MED22: variants seen among roughly 807,000 people sequenced by gnomAD.
MED22 encodes mediator complex subunit 22, also known as mediator of RNA polymerase II transcription subunit 22.
MED22 carries 22 observed loss-of-function variants against 22.7 expected under a neutral mutation model. That is an observed-to-expected ratio of 0.97 (90% CI 0.69 to 1.38). The LOEUF (loss-of-function observed/expected upper bound fraction) is 1.38, where lower values mean the gene tolerates loss of function less well. Ranked by LOEUF, MED22 falls within the 40% of genes most tolerant of loss-of-function variation. The pLI is 0.00. For missense variants in MED22, 247 were observed against 263.0 expected, an observed-to-expected ratio of 0.94 and a Z score of 0.42; for synonymous variants, 134 against 119.4, an observed-to-expected ratio of 1.12 and a Z score of -0.80.
chr9:133,342,462 C>A, intron 4 of MED22: 6 of 986,152 alleles, frequency 6.1e-6, no homozygotes, highest in Non-Finnish European at 7.2e-6. Flanking sequence ...AGTGGCATCC[C>A]GAGGAACGCA....
intron 4 of MED22, chr9:133,343,907 A>G (rs1261326767): frequency 7.0e-7 from 1 of 1,427,584 alleles, no homozygotes; most frequent in Admixed American, 2.8e-5. Context: ...TGTGGTTTTC[A>G]TCACATTGCA....
intron 2 of MED22, among the ~76,000 whole-genome samples, 173 bp from the exon 3 acceptor site, chr9:133,345,425 G>A (rs1325308073): frequency 6.6e-6 from 1 of 152,098 alleles, no homozygotes; most frequent in African/African-American, 2.4e-5. Context: ...CTCTGACAAG[G>A]TTCAATTCCA....
At position 133,340,892 on chromosome 9, in the gene MED22, G is replaced by C. The variant is rs1835983659; in HGVS notation, c.*613C>G. 4 of 152,352 alleles carry C rather than the reference G, an allele frequency of 2.6e-5. No homozygotes were observed. Among genetic ancestry groups the C allele is most frequent in the Admixed American group, 2.0e-4 (3 of 15,292 alleles). 9.4% of individuals were successfully genotyped at this position (152,352 alleles called of 1,614,324 possible). ...TCCTGGACTGACAAGGAATGAGGAA[G>C]AAAGAGCAGCAATGCAAAAAAGTGG... On this transcript the variant is annotated 3_prime_UTR_variant, in exon 5 of 5. Transcript: ENST00000343730.
intron 3 of MED22, 33 bp downstream of exon 3, chr9:133,345,139 G>C: frequency 1.2e-6 from 2 of 1,608,160 alleles, no homozygotes; most frequent in Non-Finnish European, 1.7e-6. Context: ...TGCTCTTGGA[G>C]CCCAGGCCGT....
chr9:133,341,566 AG>A lies in MED22; in HGVS notation c.541del (p.Leu181TyrfsTer34). On this transcript the variant is annotated frameshift_variant, in exon 5 of 5. Transcript: ENST00000343730. LOFTEE classifies it high-confidence loss of function. The part of the protein sequence containing the change: ...LASPEPSAGP[L>X]QVAAPAHSHA... ...GGAGTGGGCAGGGGCTGCCACCTGT[AG>A]GGGGCCAGCACTGGGCTCCGGGGAC... The A allele has an allele frequency of 1.9e-6, 3 of 1,561,836 alleles. No individual in the cohort carries two copies. Among genetic ancestry groups the A allele is most frequent in the Admixed American group, 2.1e-5 (1 of 47,874 alleles).
chr9:133,342,270 G>A, intron 4 of MED22: 1 of 986,266 alleles, frequency 1.0e-6, no homozygotes, highest in Non-Finnish European at 1.2e-6. Flanking sequence ...AATCCTCACG[G>A]CAGCCAGGAT....
At position 133,339,358 on chromosome 9, in the gene MED22, G is replaced by A. The variant is rs2119053283; in HGVS notation, c.*2147C>T. 1.4e-6 allele frequency: 1 copy of A among 735,240 alleles called. No homozygotes were observed. The highest frequency in any genetic ancestry group is 2.5e-6 in the Non-Finnish European group (1 of 393,040). 45.5% of individuals were successfully genotyped at this position (735,240 alleles called of 1,614,324 possible). A position where few individuals can be genotyped will look rare whatever the true frequency, so the allele number is the denominator to read the frequency against. ...AGGGAAGCCAAAGAGAAAGGTACCT[G>A]GATTCAACTGAAGCGCCAGCCTGCT... is the stretch of plus-strand genomic sequence containing the variant. On this transcript the variant is annotated 3_prime_UTR_variant, in exon 5 of 5. Coordinates refer to ENST00000343730, the MANE Select transcript of MED22 (RefSeq NM_133640.5).
rs989613148 is a variant in MED22, at chr9:133,338,741, C to G, written c.*2764G>C. 6.4e-6 allele frequency: 2 copies of G among 314,740 alleles called. No homozygotes were observed. Among genetic ancestry groups the G allele is most frequent in the Non-Finnish European group, 6.2e-6 (1 of 160,108 alleles). 19.5% of individuals were successfully genotyped at this position (314,740 alleles called of 1,614,324 possible). ...GCAGGCGTAAGCCACCGCGCCCGGC[C>G]GATTTCTATACTTTTTAGTAGAGAC... On this transcript the variant is annotated 3_prime_UTR_variant, in exon 5 of 5. Coordinates refer to ENST00000343730, the MANE Select transcript of MED22 (RefSeq NM_133640.5).
At chr9:133,344,486 G>C (rs1836123841) in intron 3 of MED22, among the ~76,000 whole-genome samples, 153 bp from the exon 4 acceptor site, 1 of 152,228 alleles carries the variant, frequency 6.6e-6, no homozygotes, top group South Asian at 2.1e-4. Flanking sequence ...ACAGGTTCAT[G>C]TGTGAGAATT....
chr9:133,343,936 G>T, intron 4 of MED22, 189 bp downstream of exon 4: 1 of 1,444,404 alleles, frequency 6.9e-7, no homozygotes, highest in Non-Finnish European at 9.1e-7. Flanking sequence ...AAGGCCCAGG[G>T]CCCTGGCATA....
At chr9:133,343,535 C>T (rs1379226107) in intron 4 of MED22, 2 of 1,238,186 alleles carry the variant, frequency 1.6e-6, no homozygotes, top group Non-Finnish European at 2.0e-6. Context: ...TAGGTTGGCT[C>T]CAGCTCCGTG....
intron 4 of MED22, 86 bp downstream of exon 4, chr9:133,344,039 G>A: frequency 1.3e-6 from 2 of 1,585,216 alleles, no homozygotes. Flanking sequence ...GCAAGAATTT[G>A]AAAAAGCAGA....
Position 133,348,082 on chromosome 9 carries a change from C to G in MED22, c.-199G>C, listed in dbSNP as rs942293048. The G allele has an allele frequency of 1.9e-6, 2 of 1,026,258 alleles. No homozygotes were observed. Among genetic ancestry groups the G allele is most frequent in the South Asian group, 1.4e-5 (1 of 71,054 alleles). 63.6% of individuals were successfully genotyped at this position (1,026,258 alleles called of 1,614,324 possible). ...CCGCGCCGCGGTCCGAAAACCTAGTCAGCCGCCGCAGCCTCTCGGCCCCGC... is the reference window on the plus strand; with the variant it reads ...CCGCGCCGCGGTCCGAAAACCTAGTGAGCCGCCGCAGCCTCTCGGCCCCGC... On this transcript the variant is annotated 5_prime_UTR_variant, in exon 1 of 5. Transcript: ENST00000343730.
At position 133,348,122 on chromosome 9, in the gene MED22, T is replaced by G; in HGVS notation, c.-239A>C. On this transcript the variant is annotated 5_prime_UTR_variant, in exon 1 of 5. Transcript: ENST00000343730. ...CTCGGCCCCGCCTCGATTTTTAGCTTTATAGGAATGCTGTTGCTTTAAATC... is the reference window on the plus strand; with the variant it reads ...CTCGGCCCCGCCTCGATTTTTAGCTGTATAGGAATGCTGTTGCTTTAAATC... 1.4e-6 allele frequency: 2 copies of G among 1,401,200 alleles called. No individual in the cohort carries two copies. The highest frequency in any genetic ancestry group is 2.0e-6 in the Non-Finnish European group (2 of 989,234). The allele number at this position is 1,401,200 out of a possible 1,614,324, so 86.8% of individuals were successfully genotyped here.
intron 4 of MED22, 39 bp from the exon 5 acceptor site, chr9:133,341,733 A>G (rs2129950658): frequency 1.9e-6 from 3 of 1,587,406 alleles, no homozygotes; most frequent in Non-Finnish European, 2.6e-6. Context: ...AGACAGGAGC[A>G]GGCAGAGAGG....
In MED22 at chr9:133,344,262, G is replaced by A. The variant is rs2129961031; in HGVS notation, c.276C>T (p.Pro92=). ...GCTGGTCAATGGCCTCGTTCACGGA[G>A]GGGAAGTCATTGAGGATCAGGAACT... The part of the protein sequence containing the change: ...LKQFLILNDF[P]SVNEAIDQRN... Residue 92 remains proline, a synonymous_variant, in exon 4 of 5, where the codon CCC becomes CCT. Coordinates refer to ENST00000343730, the MANE Select transcript of MED22 (RefSeq NM_133640.5). 8 of 1,614,210 alleles carry A rather than the reference G, an allele frequency of 5.0e-6. No individual in the cohort carries two copies. Among genetic ancestry groups the A allele is most frequent in the South Asian group, 4.4e-5 (4 of 91,088 alleles).
Position 133,344,963 on chromosome 9 carries a change from G to A in MED22, c.204+209C>T, listed in dbSNP as rs2129963246. Among the ~76,000 whole-genome samples the A allele has an allele frequency of 7.9e-5, 12 of 152,262 alleles. No individual in the cohort carries two copies. In the East Asian group the frequency reaches 2.3e-3, roughly 29 times the overall value. ...CCCTCCTCCAAGTGCCCCACGTGAG[G>A]ACAGTCTCCTGAGAAATGATTTGCC... On this transcript the variant is annotated intron_variant, in intron 3 of 4. Transcript: ENST00000343730.
rs10567355 is a variant in MED22, at chr9:133,342,550, A to ACAGGG, written c.414-861_414-857dup. The ACAGGG allele has an allele frequency of 9.1e-3, 8,984 of 986,440 alleles. 326 individuals carry two copies. The African/African-American group carries it at 0.11, about 12-fold the overall frequency. The allele number at this position is 986,440 out of a possible 1,614,324, so 61.1% of individuals were successfully genotyped here. On this transcript the variant is annotated intron_variant, in intron 4 of 4. Coordinates refer to ENST00000343730, the MANE Select transcript of MED22 (RefSeq NM_133640.5). ...AGCACAGAGGCGCAGCTCATGCGGA[A>ACAGGG]CAGGGCAGGGCAGGGCAGGGAGCGG...
chr9:133,344,646 G>T (rs1330273995), intron 3 of MED22, among the ~76,000 whole-genome samples: 1 of 152,134 alleles, frequency 6.6e-6, no homozygotes, highest in South Asian at 2.1e-4. Context: ...ATAAAACTGC[G>T]ATCCCATTTT....
Sources: gnomAD v4.1 joint callset for allele counts (sites outside exome capture counted in the v4.1 genomes callset) on GRCh38, gnomAD v4.1.1 for gene constraint, MANE v1.5 for transcripts, NCBI Gene and HGNC (gene_info 2026-07-23, HGNC 2026-07-21) for gene names.